Variants in SACM1L observed in about 807,000 individuals in gnomAD.
The protein encoded by SACM1L is SAC1 like phosphatidylinositide phosphatase, also known as phosphatidylinositol-3-phosphatase SAC1.
SACM1L carries 32 observed loss-of-function variants against 89.5 expected under a neutral mutation model. That is an observed-to-expected ratio of 0.36 (90% CI 0.27 to 0.48). The LOEUF (loss-of-function observed/expected upper bound fraction) is 0.48. Ranked by LOEUF, SACM1L falls within the 20% of genes least tolerant of loss-of-function variation. The pLI, the probability that SACM1L is intolerant of heterozygous loss-of-function variation, is 0.99. For synonymous variants in SACM1L, 213 were observed against 232.8 expected (o/e 0.92, Z 0.77); for missense variants, 543 against 708.5 (o/e 0.77, Z 2.65).
intron 3 of SACM1L, among the ~76,000 whole-genome samples, chr3:45,705,496 A>ATTTTTT (rs36040487): frequency 4.7e-4 from 48 of 103,070 alleles, no homozygotes; most frequent in Middle Eastern, 5.7e-3. Context: ...TGTAAATAAA[A>ATTTTTT]TTTTTTTTTT....
intron 1 of SACM1L, 140 bp downstream of exon 1, chr3:45,689,637 C>T (rs1697919173): frequency 9.4e-7 from 1 of 1,063,786 alleles, no homozygotes; most frequent in Non-Finnish European, 1.4e-6. Context: ...CCTCAGCCGG[C>T]GCGGCCTCTC....
chr3:45,742,149 G>A (rs1268204988), intron 19 of SACM1L, among the ~76,000 whole-genome samples: 1 of 152,218 alleles, frequency 6.6e-6, no homozygotes, highest in African/African-American at 2.4e-5. Context: ...TTCCTTTAGG[G>A]AGTGTCCAGC....
At position 45,739,437 on chromosome 3, in the gene SACM1L, A is replaced by T. The variant is rs1351930635; in HGVS notation, c.1570-150A>T. ...CTAGGGCAGTTGTGATTGAACCCAT[A>T]AATAATAATGTTTTGTTGACAAAAG... is the stretch of plus-strand genomic sequence containing the variant. On this transcript the variant is annotated intron_variant, in intron 18 of 19. Coordinates refer to ENST00000389061, the MANE Select transcript of SACM1L (RefSeq NM_014016.5). 3 of 736,328 alleles carry T rather than the reference A, an allele frequency of 4.1e-6. No homozygotes were observed. In the African/African-American group the frequency reaches 5.2e-5, roughly 13 times the overall value. The allele number at this position is 736,328 out of a possible 1,614,324, so 45.6% of individuals were successfully genotyped here.
At chr3:45,690,801 A>C (rs1697966269) in intron 1 of SACM1L, among the ~76,000 whole-genome samples, 1 of 152,204 alleles carries the variant, frequency 6.6e-6, no homozygotes, top group Non-Finnish European at 1.5e-5. Context: ...GAAAGAGTTG[A>C]AGGAAGTGTC....
intron 11 of SACM1L, among the ~76,000 whole-genome samples, chr3:45,728,211 G>A (rs1271388002): frequency 6.6e-6 from 1 of 152,106 alleles, no homozygotes; most frequent in East Asian, 1.9e-4. Context: ...GAGACAGCAT[G>A]TAGTTAGATC....
At chr3:45,697,067 G>A (rs1164111646) in intron 1 of SACM1L, among the ~76,000 whole-genome samples, 2 of 151,988 alleles carry the variant, frequency 1.3e-5, no homozygotes, top group South Asian at 4.2e-4. Context: ...TTAAAAGTAA[G>A]GTCTCAAAGA....
chr3:45,718,660 TTAAC>T (rs1698720363), intron 7 of SACM1L, among the ~76,000 whole-genome samples: 1 of 152,330 alleles, frequency 6.6e-6, no homozygotes, highest in African/African-American at 2.4e-5. Context: ...AAATGGGTAT[TTAAC>T]TATTGTAAAT....
chr3:45,711,208 T>C (rs541516760), intron 5 of SACM1L, among the ~76,000 whole-genome samples: 1 of 152,220 alleles, frequency 6.6e-6, no homozygotes, highest in South Asian at 2.1e-4. Flanking sequence ...GAGCTGAGAC[T>C]TGATGAAGAT....
chr3:45,689,442 G>A lies in SACM1L; in HGVS notation c.-24G>A. 1.3e-6 allele frequency: 2 copies of A among 1,558,574 alleles called. No homozygotes were observed. Among genetic ancestry groups the A allele is most frequent in the Non-Finnish European group, 1.7e-6 (2 of 1,151,750 alleles). On this transcript the variant is annotated 5_prime_UTR_variant, in exon 1 of 20. Transcript: ENST00000389061. Reference sequence around the variant, plus strand: ...GCGCGGGGCGGGGCGGGCGGAGAGAGAAGGAAGGAGGTGGTTGTGCAGGAT... The same window carrying A: ...GCGCGGGGCGGGGCGGGCGGAGAGAAAAGGAAGGAGGTGGTTGTGCAGGAT...
At chr3:45,711,185 A>G (rs1468039688) in intron 5 of SACM1L, among the ~76,000 whole-genome samples, 4 of 152,186 alleles carry the variant, frequency 2.6e-5, no homozygotes, top group Non-Finnish European at 5.9e-5. Flanking sequence ...CTTTACACAG[A>G]AAGGTAACTT....
Position 45,731,388 on chromosome 3 carries a change from A to T in SACM1L, c.1001+8A>T. Reference sequence around the variant, plus strand: ...GGGAAGTGGAATGATGAGGTACCTCACTAGAAATCTGTTGCAGGTCTTTTC... The same window carrying T: ...GGGAAGTGGAATGATGAGGTACCTCTCTAGAAATCTGTTGCAGGTCTTTTC... On this transcript the variant is annotated splice_region_variant and intron_variant, in intron 12 of 19. Transcript: ENST00000389061. 1 of 1,598,936 alleles carries T rather than the reference A, an allele frequency of 6.3e-7. No individual in the cohort carries two copies. Among genetic ancestry groups the T allele is most frequent in the South Asian group, 1.1e-5 (1 of 90,484 alleles).
intron 1 of SACM1L, among the ~76,000 whole-genome samples, chr3:45,700,667 TAATTA>T (rs1007441439): frequency 9.9e-5 from 15 of 152,202 alleles, no homozygotes; most frequent in Admixed American, 2.6e-4. Context: ...TATTTTACTT[TAATTA>T]TTTTTTTGAG....
intron 11 of SACM1L, among the ~76,000 whole-genome samples, chr3:45,725,632 G>A (rs1001456093): frequency 2.0e-5 from 3 of 149,954 alleles, no homozygotes; most frequent in Middle Eastern, 3.5e-3. Flanking sequence ...ATATAAGATC[G>A]TGTCACCTGT....
intron 11 of SACM1L, among the ~76,000 whole-genome samples, chr3:45,728,221 C>G (rs1284446315): frequency 2.0e-5 from 3 of 152,106 alleles, no homozygotes; most frequent in Admixed American, 6.5e-5. Flanking sequence ...GTAGTTAGAT[C>G]ATATTTTTTT....
At chr3:45,739,279 G>A (rs952852519) in intron 18 of SACM1L, among the ~76,000 whole-genome samples, 1 of 152,168 alleles carries the variant, frequency 6.6e-6, no homozygotes, top group Non-Finnish European at 1.5e-5. Flanking sequence ...TTTCCAGTGT[G>A]TCAAGTGCTC....
intron 7 of SACM1L, among the ~76,000 whole-genome samples, chr3:45,717,358 C>T (rs892006705): frequency 1.3e-5 from 2 of 152,164 alleles, no homozygotes; most frequent in East Asian, 1.9e-4. Flanking sequence ...TTATAAATAG[C>T]GTAGTTTCAT....
At chr3:45,689,849 T>G (rs1406206859) in intron 1 of SACM1L, 3 of 424,146 alleles carry the variant, frequency 7.1e-6, no homozygotes, top group Admixed American at 3.9e-5. Flanking sequence ...TTTATCTGTA[T>G]GACTTAACAG....
At chr3:45,695,360 A>G (rs1241359593) in intron 1 of SACM1L, among the ~76,000 whole-genome samples, 1 of 151,874 alleles carries the variant, frequency 6.6e-6, no homozygotes, top group South Asian at 2.1e-4. Context: ...TCCCAGGTTC[A>G]AGTGATTCTT....
At chr3:45,713,228 G>T in intron 6 of SACM1L, 32 bp downstream of exon 6, 1 of 1,548,082 alleles carries the variant, frequency 6.5e-7, no homozygotes, top group Non-Finnish European at 8.8e-7. Flanking sequence ...CTGCTTAATT[G>T]TTACAGTCCA....
Sources: allele counts gnomAD v4.1 joint callset (sites outside exome capture counted in the v4.1 genomes callset), GRCh38; gene constraint gnomAD v4.1.1; transcripts MANE v1.5; gene names NCBI Gene and HGNC (gene_info 2026-07-23, HGNC 2026-07-21).